Variants in OPCML observed in about 807,000 individuals in gnomAD.
The protein encoded by OPCML is opioid binding protein/cell adhesion molecule like.
Under a neutral mutation model 37.8 loss-of-function variants are expected in OPCML, and 13 were observed. That is an observed-to-expected ratio of 0.34 (90% CI 0.22 to 0.55). The LOEUF is 0.55. OPCML is among the 20% of genes least tolerant of loss of function. The pLI is 0.91. For synonymous variants in OPCML, 176 were observed against 168.8 expected (o/e 1.04, Z -0.33); for missense variants, 341 against 435.6 (o/e 0.78, Z 1.93).
intron 2 of OPCML, among the ~76,000 whole-genome samples, chr11:132,755,866 G>A (rs1946025143): frequency 6.6e-6 from 1 of 152,164 alleles, no homozygotes; most frequent in South Asian, 2.1e-4. Context: ...TGCTGGTGAG[G>A]AGCACACCAC....
intron 1 of OPCML, among the ~76,000 whole-genome samples, chr11:133,076,246 C>T (rs1352190489): frequency 6.6e-6 from 1 of 152,132 alleles, no homozygotes; most frequent in Non-Finnish European, 1.5e-5. Context: ...AAATTGGCTA[C>T]TTCTGTCTAA....
At chr11:133,093,853 A>C (rs1591995140) in intron 1 of OPCML, among the ~76,000 whole-genome samples, 1 of 152,178 alleles carries the variant, frequency 6.6e-6, no homozygotes, top group African/African-American at 2.4e-5. Context: ...TCATCTCTGC[A>C]TTCACATCAG....
At chr11:133,191,504 G>GGGGTGTGTGTGT (rs772369397) in intron 1 of OPCML, among the ~76,000 whole-genome samples, 5 of 142,458 alleles carry the variant, frequency 3.5e-5, no homozygotes, top group African/African-American at 1.0e-4. Flanking sequence ...TGTGTGTGTG[G>GGGGTGTGTGTGT]GTGTGTGTGT....
At chr11:132,764,004 G>A (rs1238465747) in intron 2 of OPCML, among the ~76,000 whole-genome samples, 3 of 152,320 alleles carry the variant, frequency 2.0e-5, no homozygotes, top group South Asian at 4.1e-4. Flanking sequence ...CTCCCTCTAG[G>A]CCTCAAAGGC....
chr11:133,204,888 A>ATATATATATATATATGTG (rs1938987677), intron 1 of OPCML, among the ~76,000 whole-genome samples: 1 of 129,154 alleles, frequency 7.7e-6, no homozygotes, highest in Non-Finnish European at 1.6e-5. Flanking sequence ...ATATATATAT[A>ATATATATATATATATGTG]TATATATATA....
intron 4 of OPCML, among the ~76,000 whole-genome samples, chr11:132,479,890 C>T (rs1172105979): frequency 6.6e-6 from 1 of 152,046 alleles, no homozygotes. Context: ...TCATCAAAGA[C>T]CAAAAGCAGA....
intron 2 of OPCML, among the ~76,000 whole-genome samples, chr11:132,724,692 C>G (rs1256231181): frequency 1.3e-5 from 2 of 152,166 alleles, no homozygotes; most frequent in Admixed American, 6.5e-5. Context: ...TTCCTTCTGC[C>G]TACAAGCCTG....
chr11:133,354,512 G>T (rs1012792014), intron 1 of OPCML, among the ~76,000 whole-genome samples: 1 of 152,082 alleles, frequency 6.6e-6, no homozygotes, highest in Non-Finnish European at 1.5e-5. Flanking sequence ...TAACTAGCAG[G>T]TGGTAATATT....
At chr11:132,760,253 G>T (rs1264710697) in intron 2 of OPCML, among the ~76,000 whole-genome samples, 3 of 152,212 alleles carry the variant, frequency 2.0e-5, no homozygotes, top group Non-Finnish European at 2.9e-5. Context: ...GCTATGTGGT[G>T]CTGAGAAGAA....
chr11:133,523,579 A>AT (rs1948434740), intron 1 of OPCML, among the ~76,000 whole-genome samples: 1 of 152,240 alleles, frequency 6.6e-6, no homozygotes, highest in Non-Finnish European at 1.5e-5. Context: ...AAGAACAAGA[A>AT]TAAAAAATGT....
At chr11:132,990,639 G>C (rs948234288) in intron 1 of OPCML, among the ~76,000 whole-genome samples, 2 of 152,158 alleles carry the variant, frequency 1.3e-5, no homozygotes, top group Non-Finnish European at 2.9e-5. Flanking sequence ...GTAAGAAACT[G>C]GAGGAAACAG....
At chr11:132,972,218 G>A (rs1431856415) in intron 1 of OPCML, among the ~76,000 whole-genome samples, 2 of 152,152 alleles carry the variant, frequency 1.3e-5, no homozygotes, top group Admixed American at 6.5e-5. Context: ...TGTAAAACAG[G>A]AAGTCTTGGT....
chr11:133,491,702 T>C (rs1046431387), intron 1 of OPCML, among the ~76,000 whole-genome samples: 2 of 152,196 alleles, frequency 1.3e-5, no homozygotes, highest in Non-Finnish European at 2.9e-5. Context: ...CGTTGATCCC[T>C]TTCTATAGAC....
At chr11:133,272,011 T>A (rs1941853060) in intron 1 of OPCML, among the ~76,000 whole-genome samples, 1 of 152,116 alleles carries the variant, frequency 6.6e-6, no homozygotes, top group Non-Finnish European at 1.5e-5. Context: ...GCCCTTTCTG[T>A]CCACACCACT....
intron 3 of OPCML, among the ~76,000 whole-genome samples, chr11:132,652,030 C>T (rs1311053459): frequency 1.3e-5 from 2 of 152,132 alleles, no homozygotes; most frequent in Non-Finnish European, 2.9e-5. Flanking sequence ...CAATGACATA[C>T]CACTGGCACA....
intron 4 of OPCML, among the ~76,000 whole-genome samples, chr11:132,481,845 G>C (rs2137020953): frequency 6.6e-6 from 1 of 150,652 alleles, no homozygotes; most frequent in South Asian, 2.1e-4. Flanking sequence ...AATGAAGGCA[G>C]AAATAAAGAT....
At chr11:133,451,372 T>C (rs1946577295) in intron 1 of OPCML, among the ~76,000 whole-genome samples, 1 of 151,766 alleles carries the variant, frequency 6.6e-6, no homozygotes, top group African/African-American at 2.4e-5. Flanking sequence ...GACTTTTGCC[T>C]GAAGGCAGCC....
chr11:133,001,144 T>C (rs1946994158), intron 1 of OPCML, among the ~76,000 whole-genome samples: 1 of 152,206 alleles, frequency 6.6e-6, no homozygotes, highest in Non-Finnish European at 1.5e-5. Flanking sequence ...TCCTTAATAA[T>C]GATGCAAACT....
intron 3 of OPCML, among the ~76,000 whole-genome samples, chr11:132,635,518 G>T (rs1472577568): frequency 8.1e-5 from 12 of 147,568 alleles, no homozygotes; most frequent in African/African-American, 2.8e-4. Context: ...TTCTGAAATG[G>T]AGTTTTATTC....
Sources: gnomAD v4.1 joint callset for allele counts (sites outside exome capture counted in the v4.1 genomes callset) on GRCh38, gnomAD v4.1.1 for gene constraint, MANE v1.5 for transcripts, NCBI Gene and HGNC (gene_info 2026-07-23, HGNC 2026-07-21) for gene names.